Variants in TNRC6B observed in about 807,000 individuals in gnomAD.
TNRC6B encodes trinucleotide repeat-containing gene 6B protein.
TNRC6B carries 52 observed loss-of-function variants against 203.6 expected under a neutral mutation model. That is an observed-to-expected ratio of 0.26 (90% CI 0.20 to 0.32). TNRC6B has a LOEUF of 0.32. Among genes scored for constraint, TNRC6B ranks in the 10% least tolerant of loss-of-function variants. The pLI is 1.00. For missense variants in TNRC6B, 1,923 were observed against 2,286.2 expected (o/e 0.84, Z 3.24); for synonymous variants, 838 against 845.7 (o/e 0.99, Z 0.16).
At chr22:40,199,323 A>AG (rs2069379964) in intron 1 of TNRC6B, among the ~76,000 whole-genome samples, 1 of 152,286 alleles carries the variant, frequency 6.6e-6, no homozygotes, top group East Asian at 1.9e-4. Flanking sequence ...GGAGAAAAAG[A>AG]GCAACTTTCC....
At chr22:40,194,431 C>T (rs1224674151) in intron 1 of TNRC6B, among the ~76,000 whole-genome samples, 1 of 152,126 alleles carries the variant, frequency 6.6e-6, no homozygotes, top group Non-Finnish European at 1.5e-5. Context: ...TAGGAAGAAA[C>T]CAGACAAAAT....
chr22:40,120,175 T>C (rs986460806), intron 2 of TNRC6B, among the ~76,000 whole-genome samples: 2 of 151,930 alleles, frequency 1.3e-5, no homozygotes, highest in Admixed American at 6.6e-5. Flanking sequence ...CTGGGCAACA[T>C]AGTGAAATCC....
intron 1 of TNRC6B, among the ~76,000 whole-genome samples, chr22:40,060,198 G>A (rs1225652480): frequency 7.7e-6 from 1 of 130,536 alleles, no homozygotes; most frequent in Non-Finnish European, 1.6e-5. Flanking sequence ...AAATGCACAT[G>A]ACTTTTTTTT....
At chr22:40,219,679 C>G (rs1391720025) in intron 1 of TNRC6B, among the ~76,000 whole-genome samples, 1 of 152,194 alleles carries the variant, frequency 6.6e-6, no homozygotes, top group Non-Finnish European at 1.5e-5. Context: ...GTCTGTCTTT[C>G]CTCTACCTGG....
chr22:40,204,993 T>C (rs945294470), intron 1 of TNRC6B, among the ~76,000 whole-genome samples: 1 of 152,210 alleles, frequency 6.6e-6, no homozygotes, highest in African/African-American at 2.4e-5. Flanking sequence ...CATGGTTTAG[T>C]TTTTCCATTT....
Position 40,281,299 on chromosome 22 carries a change from CCT to C in TNRC6B, c.3582+14_3582+15del. On this transcript the variant is annotated intron_variant, in intron 11 of 22. Transcript: ENST00000454349. ...CTTCGCTGCTAGACAAGTAAGGAGG[CCT>C]CTCAAATTTATAACTGCTTGGCTAT... 1.3e-6 allele frequency: 2 copies of C among 1,534,656 alleles called. No individual in the cohort carries two copies. Among genetic ancestry groups the C allele is most frequent in the Non-Finnish European group, 1.8e-6 (2 of 1,138,608 alleles).
At position 40,113,346 on chromosome 22, in the gene TNRC6B, A is replaced by T. The variant is rs185404060; in HGVS notation, c.-120-3709A>T. On this transcript the variant is annotated intron_variant, in intron 1 of 23. Transcript: ENST00000301923. The stretch of plus-strand genomic sequence containing the variant: ...CTAAATAAAACCATCTGTTTCTAGC[A>T]GATCTACCTCCACCTGTGCTCCTTT... Among the ~76,000 whole-genome samples, 569 of 152,270 alleles carry T rather than the reference A, an allele frequency of 3.7e-3. 5 individuals carry two copies. Among genetic ancestry groups the T allele is most frequent in the Non-Finnish European group, 5.6e-3 (384 of 68,004 alleles).
chr22:40,145,879 C>T (rs991860449), intron 3 of TNRC6B, among the ~76,000 whole-genome samples: 2 of 151,896 alleles, frequency 1.3e-5, no homozygotes, highest in African/African-American at 4.8e-5. Context: ...AGGATGCAGT[C>T]TGTATGGAGC....
At chr22:40,213,068 C>T (rs371663627) in intron 1 of TNRC6B, among the ~76,000 whole-genome samples, 4 of 152,300 alleles carry the variant, frequency 2.6e-5, no homozygotes, top group East Asian at 1.9e-4. Context: ...GATTTTATGT[C>T]TTCTCGTGTA....
In TNRC6B at chr22:40,326,025, T is replaced by C. The variant is rs2071397475; in HGVS notation, c.*2784T>C. 6.6e-6 allele frequency: 1 copy of C among 151,872 alleles called. No individual in the cohort carries two copies. The highest frequency in any genetic ancestry group is 6.6e-5 in the Admixed American group (1 of 15,228). The allele number at this position is 151,872 out of a possible 1,614,324, so 9.4% of individuals were successfully genotyped here. ...GCTTAAAGGGAAAAAAACTAAAAAC[T>C]TTAAAAAAAAAAGACCAAAAAGTGC... On this transcript the variant is annotated 3_prime_UTR_variant, in exon 23 of 23. Transcript: ENST00000454349.
chr22:40,200,486 T>A (rs180873599), intron 1 of TNRC6B, among the ~76,000 whole-genome samples: 36 of 149,096 alleles, frequency 2.4e-4, no homozygotes, highest in Non-Finnish European at 4.5e-4. Context: ...CGGGGTGTCA[T>A]CATGTTAGCC....
chr22:40,079,558 A>T (rs1394293952), intron 1 of TNRC6B, among the ~76,000 whole-genome samples: 1 of 150,514 alleles, frequency 6.6e-6, no homozygotes, highest in East Asian at 1.9e-4. Flanking sequence ...TTTATATTTA[A>T]TCCCAAATCT....
intron 3 of TNRC6B, among the ~76,000 whole-genome samples, chr22:40,131,238 G>A (rs757566205): frequency 5.9e-5 from 9 of 152,078 alleles, no homozygotes; most frequent in Non-Finnish European, 1.0e-4. Context: ...AGTCTTATTG[G>A]AGGAAGTGAA....
intron 1 of TNRC6B, among the ~76,000 whole-genome samples, chr22:40,200,930 G>C (rs1028527668): frequency 6.6e-6 from 1 of 152,108 alleles, no homozygotes; most frequent in Non-Finnish European, 1.5e-5. Flanking sequence ...TCCCAGCCCT[G>C]CCAGCAACTG....
chr22:40,141,337 T>C (rs193032509), intron 3 of TNRC6B, among the ~76,000 whole-genome samples: 2 of 151,242 alleles, frequency 1.3e-5, no homozygotes, highest in East Asian at 3.9e-4. Context: ...TCCCAAGTAG[T>C]TGGGACTACA....
chr22:40,223,005 C>T (rs138031), intron 1 of TNRC6B, among the ~76,000 whole-genome samples: 48,687 of 151,816 alleles, frequency 0.32, 9,567 homozygotes, highest in East Asian at 0.57. Context: ...CCTTGTCCTC[C>T]CAAAGTGCTG....
intron 3 of TNRC6B, among the ~76,000 whole-genome samples, chr22:40,127,851 G>A (rs2068507777): frequency 1.3e-5 from 2 of 152,050 alleles, no homozygotes; most frequent in African/African-American, 4.8e-5. Flanking sequence ...AGCCTGGGCA[G>A]CAAAGCCAGA....
intron 1 of TNRC6B, among the ~76,000 whole-genome samples, chr22:40,067,503 C>A (rs1030970806): frequency 6.6e-6 from 1 of 152,102 alleles, no homozygotes; most frequent in Non-Finnish European, 1.5e-5. Flanking sequence ...AGAAGTCCCA[C>A]AATAGCCCGT....
At chr22:40,067,941 A>G (rs1203689115) in intron 1 of TNRC6B, among the ~76,000 whole-genome samples, 1 of 152,108 alleles carries the variant, frequency 6.6e-6, no homozygotes, top group Non-Finnish European at 1.5e-5. Flanking sequence ...ATTAACCATC[A>G]CAGTGGATAT....
Sources: allele counts gnomAD v4.1 joint callset (sites outside exome capture counted in the v4.1 genomes callset), GRCh38; gene constraint gnomAD v4.1.1; transcripts MANE v1.5; gene names NCBI Gene and HGNC (gene_info 2026-07-23, HGNC 2026-07-21).